Variants in PTPRT observed in about 807,000 individuals in gnomAD.
The protein encoded by PTPRT is receptor-type tyrosine-protein phosphatase T.
Under a neutral mutation model 176.8 loss-of-function variants are expected in PTPRT, and 56 were observed. The observed-to-expected ratio is 0.32, with a 90% CI of 0.26 to 0.40. The LOEUF is 0.40. Among genes scored for constraint, PTPRT ranks in the 10% least tolerant of loss-of-function variants. PTPRT has a pLI of 1.00. For synonymous variants in PTPRT, 783 were observed against 739.0 expected (o/e 1.06, Z -0.96); for missense variants, 1,540 against 1,908.2 (o/e 0.81, Z 3.60).
At chr20:42,691,852 C>T (rs1342603219) in intron 6 of PTPRT, among the ~76,000 whole-genome samples, 1 of 152,188 alleles carries the variant, frequency 6.6e-6, no homozygotes, top group Admixed American at 6.5e-5. Context: ...TGTTGTCTAC[C>T]ACAGGTCACT....
Position 43,032,598 on chromosome 20 carries a change from G to A in PTPRT, c.89-146666C>T, listed in dbSNP as rs144181158. On this transcript the variant is annotated intron_variant, in intron 1 of 30. Coordinates refer to ENST00000373187, the MANE Select transcript of PTPRT (RefSeq NM_007050.6). ...CCTGTTTATGTTCACTTGATAAACA[G>A]AGGAAAGCTAATGCCTCTGTAGTTC... is the stretch of plus-strand genomic sequence containing the variant. Among the ~76,000 whole-genome samples, 51 of 152,052 alleles carry A rather than the reference G, an allele frequency of 3.4e-4. 2 individuals are homozygous for A. In the East Asian group the frequency reaches 7.6e-3, roughly 23 times the overall value.
rs138809260 is a variant in PTPRT at position 42,651,227 on chromosome 20, T to C, written c.1153+26639A>G. 2.0e-3 allele frequency among the ~76,000 whole-genome samples: 304 copies of C among 152,280 alleles called. 3 individuals carry two copies. The highest frequency in any genetic ancestry group is 7.1e-3 in the African/African-American group (293 of 41,556). On this transcript the variant is annotated intron_variant, in intron 7 of 30. Coordinates refer to ENST00000373187, the MANE Select transcript of PTPRT (RefSeq NM_007050.6). ...AGTCTAAAAATGATGGTATTGAATG[T>C]GACAACGGACATATATTAAACTAGA... is the stretch of plus-strand genomic sequence containing the variant.
At chr20:42,907,911 T>A (rs956654076) in intron 1 of PTPRT, among the ~76,000 whole-genome samples, 8 of 151,102 alleles carry the variant, frequency 5.3e-5, no homozygotes, top group African/African-American at 1.5e-4. Context: ...TAAACCATCA[T>A]GATTGTGCAA....
chr20:42,102,960 GCT>G lies in PTPRT; in HGVS notation c.3541-665_3541-664del, dbSNP rs564463801. On this transcript the variant is annotated intron_variant, in intron 25 of 30. Transcript: ENST00000373187. ...GTACCCTCCATCCTTCCCTCATTCA[GCT>G]CTCTGTCTCTACTTCAGATCAATAA... 2.6e-4 allele frequency among the ~76,000 whole-genome samples: 40 copies of G among 152,314 alleles called. No homozygotes were observed. The East Asian group carries it at 6.9e-3, about 26-fold the overall frequency.
At chr20:42,219,845 T>C (rs2055845349) in intron 15 of PTPRT, among the ~76,000 whole-genome samples, 1 of 152,130 alleles carries the variant, frequency 6.6e-6, no homozygotes, top group Non-Finnish European at 1.5e-5. Flanking sequence ...ATTAATTGGA[T>C]GGAGCCTGGC....
At chr20:42,808,523 G>A (rs2077647315) in intron 2 of PTPRT, among the ~76,000 whole-genome samples, 1 of 152,118 alleles carries the variant, frequency 6.6e-6, no homozygotes, top group Non-Finnish European at 1.5e-5. Flanking sequence ...GGAGGCCCAG[G>A]AAGAGGACCA....
intron 9 of PTPRT, among the ~76,000 whole-genome samples, chr20:42,432,812 C>A (rs2059227100): frequency 6.6e-6 from 1 of 152,142 alleles, no homozygotes; most frequent in Non-Finnish European, 1.5e-5. Context: ...TTCAGGATAT[C>A]TCGTCATTTG....
intron 2 of PTPRT, among the ~76,000 whole-genome samples, chr20:42,830,268 C>G (rs986435556): frequency 6.6e-6 from 1 of 152,182 alleles, no homozygotes; most frequent in African/African-American, 2.4e-5. Context: ...GGCTTCATTG[C>G]AAGGATGCAA....
At chr20:43,038,249 G>C (rs1036646802) in intron 1 of PTPRT, among the ~76,000 whole-genome samples, 4 of 151,928 alleles carry the variant, frequency 2.6e-5, no homozygotes, top group Non-Finnish European at 5.9e-5. Flanking sequence ...AAGGGTTTCA[G>C]ACAAGGGATT....
At chr20:42,635,063 T>C (rs568911297) in intron 7 of PTPRT, among the ~76,000 whole-genome samples, 2 of 152,214 alleles carry the variant, frequency 1.3e-5, no homozygotes, top group Admixed American at 1.3e-4. Flanking sequence ...ATCTTGCTTG[T>C]GGTTTCTCAG....
At chr20:42,088,173 T>A (rs557368373) in intron 27 of PTPRT, among the ~76,000 whole-genome samples, 4 of 152,116 alleles carry the variant, frequency 2.6e-5, no homozygotes, top group African/African-American at 9.7e-5. Flanking sequence ...AAGTCATGTG[T>A]TAGACCCTTC....
chr20:42,946,841 C>A (rs1422321399), intron 1 of PTPRT, among the ~76,000 whole-genome samples: 1 of 152,128 alleles, frequency 6.6e-6, no homozygotes, highest in African/African-American at 2.4e-5. Context: ...GGTATTTGCC[C>A]TGGGGTTGTC....
chr20:42,595,296 A>T (rs2073651624), intron 7 of PTPRT, among the ~76,000 whole-genome samples: 1 of 152,024 alleles, frequency 6.6e-6, no homozygotes, highest in African/African-American at 2.4e-5. Flanking sequence ...ACCACCATTG[A>T]CATTTTGGGC....
At chr20:42,661,532 T>C (rs536688367) in intron 7 of PTPRT, among the ~76,000 whole-genome samples, 69 of 152,002 alleles carry the variant, frequency 4.5e-4, no homozygotes, top group African/African-American at 1.5e-3. Context: ...ACCACCAGAG[T>C]AGTTATAGTG....
rs578161182 is a variant in PTPRT at position 42,853,819 on chromosome 20, T to C, written c.214+31988A>G. Among the ~76,000 whole-genome samples, 7 of 152,340 alleles carry C rather than the reference T, an allele frequency of 4.6e-5. No individual in the cohort carries two copies. The South Asian group carries it at 1.4e-3, about 32-fold the overall frequency. On this transcript the variant is annotated intron_variant, in intron 2 of 30. Coordinates refer to ENST00000373187, the MANE Select transcript of PTPRT (RefSeq NM_007050.6). ...ATACGTTTTCCTCAGAATGACTGCATGCCAGGATTGCGCCAGCAGGCTGAC... is the reference window on the plus strand; with the variant it reads ...ATACGTTTTCCTCAGAATGACTGCACGCCAGGATTGCGCCAGCAGGCTGAC...
chr20:42,266,455 C>T (rs1237256573), intron 13 of PTPRT, among the ~76,000 whole-genome samples: 3 of 152,258 alleles, frequency 2.0e-5, no homozygotes, highest in Non-Finnish European at 4.4e-5. Flanking sequence ...TGAAAAGAGG[C>T]CTTCTTTCTG....
chr20:42,343,029 C>G (rs1191364410), intron 11 of PTPRT, among the ~76,000 whole-genome samples: 1 of 152,138 alleles, frequency 6.6e-6, no homozygotes, highest in African/African-American at 2.4e-5. Context: ...TCTAGGGTTC[C>G]ATCTTTCATA....
chr20:42,072,969 GAAAAGA>G lies in PTPRT; in HGVS notation c.*7904_*7909del, dbSNP rs1250475858. ...CCTTCTGCTTTTCTGAGCTAGAATT[GAAAAGA>G]AAAAAAAAACATTGACAGCACAGTG... On this transcript the variant is annotated 3_prime_UTR_variant, in exon 31 of 31. Transcript: ENST00000373187. The G allele has an allele frequency of 2.4e-5, 5 of 212,276 alleles. No individual in the cohort carries two copies. Among genetic ancestry groups the G allele is most frequent in the African/African-American group, 1.4e-4 (5 of 35,474 alleles). The allele number at this position is 212,276 out of a possible 1,614,324, so 13.1% of individuals were successfully genotyped here. A position where few individuals can be genotyped will look rare whatever the true frequency, so the allele number is the denominator to read the frequency against.
Position 42,947,090 on chromosome 20 carries a change from T to C in PTPRT, c.89-61158A>G, listed in dbSNP as rs139029303. On this transcript the variant is annotated intron_variant, in intron 1 of 30. Coordinates refer to ENST00000373187, the MANE Select transcript of PTPRT (RefSeq NM_007050.6). ...GGATTTTGAGCCGTGCTTCCAAAAT[T>C]AGGTGAATTAGAATCAACTCTGAAT... Among the ~76,000 whole-genome samples, 208 of 152,280 alleles carry C rather than the reference T, an allele frequency of 1.4e-3. 2 individuals are homozygous for C. The highest frequency in any genetic ancestry group is 4.8e-3 in the African/African-American group (200 of 41,558).
Sources: gnomAD v4.1 joint callset for allele counts (sites outside exome capture counted in the v4.1 genomes callset) on GRCh38, gnomAD v4.1.1 for gene constraint, MANE v1.5 for transcripts, NCBI Gene and HGNC (gene_info 2026-07-23, HGNC 2026-07-21) for gene names.